CADPS: variants seen among roughly 807,000 people sequenced by gnomAD.
CADPS encodes the protein calcium dependent secretion activator.
CADPS carries 57 observed loss-of-function variants against 167.3 expected under a neutral mutation model. The observed-to-expected ratio is 0.34, with a 90% CI of 0.28 to 0.42. The LOEUF is 0.42. CADPS is among the 20% of genes least tolerant of loss of function. The pLI is 1.00. For missense variants in CADPS, 1,414 were observed against 1,738.1 expected (o/e 0.81, Z 3.32); for synonymous variants, 676 against 635.3 (o/e 1.06, Z -0.96).
At position 62,438,450 on chromosome 3, in the gene CADPS, A is replaced by C. The variant is rs545238083; in HGVS notation, c.3670-239T>G. Reference sequence around the variant, plus strand: ...GGCATTGAGATTGTAGGATTTTATAAATAGTTTTTCTATGATAAATTTTTT... The same window carrying C: ...GGCATTGAGATTGTAGGATTTTATACATAGTTTTTCTATGATAAATTTTTT... On this transcript the variant is annotated intron_variant, in intron 27 of 29. Transcript: ENST00000383710. This position sits in a 1 kb window ranked among gnomAD's most constrained non-coding sequence, Gnocchi z 4.7. The C allele has an allele frequency of 5.2e-5, 23 of 443,846 alleles. No individual in the cohort carries two copies. The highest frequency in any genetic ancestry group is 6.2e-4 in the Middle Eastern group (2 of 3,214). 27.5% of individuals were successfully genotyped at this position (443,846 alleles called of 1,614,324 possible).
At chr3:62,871,886 T>C (rs2082695098) in intron 1 of CADPS, among the ~76,000 whole-genome samples, 1 of 152,172 alleles carries the variant, frequency 6.6e-6, no homozygotes, top group African/African-American at 2.4e-5. Flanking sequence ...TTTCAGTGAA[T>C]TGAAAGCTGT....
At chr3:62,694,885 C>CAATT (rs2079984822) in intron 3 of CADPS, among the ~76,000 whole-genome samples, 1 of 151,958 alleles carries the variant, frequency 6.6e-6, no homozygotes, top group Non-Finnish European at 1.5e-5. Context: ...AAGTAGATGC[C>CAATT]ATCAATCAGA....
intron 3 of CADPS, among the ~76,000 whole-genome samples, chr3:62,725,305 T>A (rs1317093100): frequency 2.0e-5 from 3 of 152,228 alleles, no homozygotes; most frequent in Admixed American, 1.3e-4. Flanking sequence ...CTATTTTGAG[T>A]AAATTTTAAT....
In CADPS at chr3:62,518,263, A is replaced by G. The variant is rs377664350; in HGVS notation, c.2292-13T>C. The G allele has an allele frequency of 3.8e-6, 6 of 1,588,422 alleles. No individual in the cohort carries two copies. Among genetic ancestry groups the G allele is most frequent in the Non-Finnish European group, 5.2e-6 (6 of 1,159,550 alleles). ...AATTCCATCAGGCCTGAAAGAAGACATGTCATGAAATGACGGGAACCTCAT... is the reference window on the plus strand; with the variant it reads ...AATTCCATCAGGCCTGAAAGAAGACGTGTCATGAAATGACGGGAACCTCAT... On this transcript the variant is annotated splice_polypyrimidine_tract_variant and intron_variant, in intron 13 of 29. Transcript: ENST00000383710.
At chr3:62,538,113 T>G (rs187489811) in intron 11 of CADPS, among the ~76,000 whole-genome samples, 1 of 152,264 alleles carries the variant, frequency 6.6e-6, no homozygotes, top group African/African-American at 2.4e-5. Flanking sequence ...TTAGAGAATC[T>G]GAGAGAATCC....
At chr3:62,561,947 C>T (rs565695799) in intron 9 of CADPS, among the ~76,000 whole-genome samples, 8 of 152,230 alleles carry the variant, frequency 5.3e-5, no homozygotes, top group Admixed American at 2.6e-4. Context: ...TCAACAAATA[C>T]GTAGGTAGTG....
intron 7 of CADPS, among the ~76,000 whole-genome samples, chr3:62,592,034 GA>G (rs1181663490): frequency 6.6e-6 from 1 of 152,074 alleles, no homozygotes; most frequent in Non-Finnish European, 1.5e-5. Flanking sequence ...GGAAATCAAG[GA>G]AACTTTACAA....
chr3:62,659,278 G>A (rs1048930369), intron 4 of CADPS, among the ~76,000 whole-genome samples: 1 of 152,126 alleles, frequency 6.6e-6, no homozygotes, highest in Non-Finnish European at 1.5e-5. Flanking sequence ...AAGCAGAGGT[G>A]ATTTGTCTTA....
At chr3:62,523,636 G>T (rs182176582) in intron 13 of CADPS, among the ~76,000 whole-genome samples, 1 of 152,248 alleles carries the variant, frequency 6.6e-6, no homozygotes, top group East Asian at 1.9e-4. Context: ...TTCTGATATT[G>T]CATCTATTTG....
At chr3:62,498,904 A>G (rs553174909) in intron 18 of CADPS, among the ~76,000 whole-genome samples, 113 of 152,318 alleles carry the variant, frequency 7.4e-4, no homozygotes, top group Middle Eastern at 3.4e-3. Context: ...GATTAACTTT[A>G]AAAAGCACTC....
chr3:62,614,715 T>A (rs2061999688), intron 6 of CADPS, among the ~76,000 whole-genome samples: 1 of 152,202 alleles, frequency 6.6e-6, no homozygotes, highest in Non-Finnish European at 1.5e-5. Flanking sequence ...CATAATGATG[T>A]AATTATTATG....
chr3:62,692,368 G>A (rs1483431776), intron 3 of CADPS, among the ~76,000 whole-genome samples: 3 of 117,468 alleles, frequency 2.6e-5, no homozygotes, highest in African/African-American at 9.9e-5. Flanking sequence ...CAAATGCCTT[G>A]CACACTTATG....
At chr3:62,627,130 T>TTGTGTGTG (rs10547515) in intron 6 of CADPS, among the ~76,000 whole-genome samples, 19 of 148,450 alleles carry the variant, frequency 1.3e-4, no homozygotes, top group African/African-American at 4.2e-4. Flanking sequence ...TACTTTCCAG[T>TTGTGTGTG]TGTGTGTGTG....
chr3:62,629,638 G>A (rs1270647777), intron 6 of CADPS, among the ~76,000 whole-genome samples: 2 of 152,118 alleles, frequency 1.3e-5, no homozygotes, highest in African/African-American at 2.4e-5. Context: ...ACTCTCTGAG[G>A]GCTTCCTGTT....
At chr3:62,664,604 T>C (rs1232386419) in intron 3 of CADPS, among the ~76,000 whole-genome samples, 3 of 152,248 alleles carry the variant, frequency 2.0e-5, no homozygotes, top group African/African-American at 4.8e-5. Context: ...CAGAAATGTC[T>C]TGTTCAAAAT....
Position 62,570,063 on chromosome 3 carries a change from C to G in CADPS, c.1644+809G>C, listed in dbSNP as rs560884350. ...TTTGTATCCATATACACAGATATTC[C>G]CTGCAGCCTTGTTAAGAATAGCCCA... On this transcript the variant is annotated intron_variant, in intron 9 of 29. Transcript: ENST00000383710. Among the ~76,000 whole-genome samples, 3 of 151,904 alleles carry G rather than the reference C, an allele frequency of 2.0e-5. No homozygotes were observed. In the East Asian group the frequency reaches 5.8e-4, roughly 29 times the overall value.
chr3:62,553,952 C>G (rs955965491), intron 10 of CADPS, among the ~76,000 whole-genome samples: 7 of 152,158 alleles, frequency 4.6e-5, no homozygotes, highest in African/African-American at 1.7e-4. Flanking sequence ...AAAGACACGT[C>G]TGGGAATAGA....
At chr3:62,660,856 C>T (rs1290761842) in intron 4 of CADPS, among the ~76,000 whole-genome samples, 1 of 152,206 alleles carries the variant, frequency 6.6e-6, no homozygotes, top group Non-Finnish European at 1.5e-5. Context: ...AACGGAGGCC[C>T]GTTTAAATTT....
rs549679845 is a variant in CADPS at position 62,802,833 on chromosome 3, T to G, written c.442-36849A>C. On this transcript the variant is annotated intron_variant, in intron 1 of 29. Coordinates refer to ENST00000383710, the MANE Select transcript of CADPS (RefSeq NM_003716.4). ...ACTAAGCAATTCCCAGCCATCCTGC[T>G]CTTTCCTACTATTCTCTGGTCTGGT... Among the ~76,000 whole-genome samples the G allele has an allele frequency of 4.6e-5, 7 of 152,310 alleles. No homozygotes were observed. The East Asian group carries it at 1.2e-3, about 25-fold the overall frequency.
Sources: allele counts gnomAD v4.1 joint callset (sites outside exome capture counted in the v4.1 genomes callset), GRCh38; gene constraint gnomAD v4.1.1; non-coding constraint Gnocchi (gnomAD v3.1); transcripts MANE v1.5; gene names NCBI Gene and HGNC (gene_info 2026-07-23, HGNC 2026-07-21).